The following MYOCD variants were observed in gnomAD, a reference collection of about 807,000 sequenced individuals.
The protein encoded by MYOCD is myocardin.
MYOCD carries 32 observed loss-of-function variants against 96.1 expected under a neutral mutation model. The ratio of observed to expected loss-of-function variants is 0.33; its 90% CI spans 0.25 to 0.45. The LOEUF (loss-of-function observed/expected upper bound fraction) is 0.45. Among genes scored for constraint, MYOCD ranks in the 20% least tolerant of loss-of-function variants. The pLI is 1.00. For synonymous variants in MYOCD, 469 were observed against 469.0 expected, an observed-to-expected ratio of 1.00 and a Z score of 0.00; for missense variants, 1,133 against 1,200.6, an observed-to-expected ratio of 0.94 and a Z score of 0.83.
intron 4 of MYOCD, among the ~76,000 whole-genome samples, chr17:12,717,747 A>G (rs148363507): frequency 1.2e-3 from 177 of 152,342 alleles, no homozygotes; most frequent in Admixed American, 2.5e-3. Context: ...AATCTGGATC[A>G]TCACTCACTT....
chr17:12,683,947 A>G (rs1214250826), intron 1 of MYOCD, among the ~76,000 whole-genome samples: 1 of 152,206 alleles, frequency 6.6e-6, no homozygotes, highest in Non-Finnish European at 1.5e-5. Flanking sequence ...CTTACTGGCA[A>G]ATTCCCAGAT....
At chr17:12,709,621 A>G (rs549047897) in intron 2 of MYOCD, among the ~76,000 whole-genome samples, 2 of 152,332 alleles carry the variant, frequency 1.3e-5, no homozygotes, top group African/African-American at 4.8e-5. Flanking sequence ...GTTTAGATTT[A>G]TCTCCAAAAT....
At chr17:12,689,007 A>T (rs2030304882) in intron 1 of MYOCD, among the ~76,000 whole-genome samples, 1 of 152,202 alleles carries the variant, frequency 6.6e-6, no homozygotes, top group South Asian at 2.1e-4. Flanking sequence ...ACACACACAA[A>T]CACGTTGTTC....
chr17:12,742,297 C>T (rs919820040), intron 7 of MYOCD, among the ~76,000 whole-genome samples: 8 of 152,194 alleles, frequency 5.3e-5, no homozygotes. Flanking sequence ...GAAGAAGTCT[C>T]TTTGGAAAAC....
intron 12 of MYOCD, 138 bp from the exon 13 acceptor site, chr17:12,760,512 T>C (rs549613957): frequency 1.0e-5 from 7 of 672,248 alleles, no homozygotes; most frequent in African/African-American, 1.8e-5. Flanking sequence ...TTTAAAGTTA[T>C]GTGTATTTTG....
Position 12,763,385 on chromosome 17 carries a change from C to T in MYOCD, c.2702C>T (p.Ala901Val), listed in dbSNP as rs763841697. ...SGKAAEDLFN[A>V]HEILPGPLSP... ...AAGGCTGCAGAAGACCTCTTCAATG[C>T]ACATGAGATCTTGCCAGGCCCCCTC... The change falls in exon 14 of 14, where the codon GCA (alanine) becomes GTA (valine). Residue 901 changes from alanine to valine, a missense_variant. Transcript: ENST00000425538. 5 of 1,601,522 alleles carry T rather than the reference C, an allele frequency of 3.1e-6. No individual in the cohort carries two copies. Among genetic ancestry groups the T allele is most frequent in the African/African-American group, 1.3e-5 (1 of 74,672 alleles).
chr17:12,712,359 C>G (rs991853501), intron 2 of MYOCD, among the ~76,000 whole-genome samples: 8 of 152,112 alleles, frequency 5.3e-5, no homozygotes, highest in Non-Finnish European at 1.0e-4. Context: ...GGGTCTGCAC[C>G]AGGCACAGCC....
At chr17:12,731,204 C>T (rs1338278463) in intron 5 of MYOCD, among the ~76,000 whole-genome samples, 1 of 152,206 alleles carries the variant, frequency 6.6e-6, no homozygotes, top group Non-Finnish European at 1.5e-5. Context: ...GGTCACACCA[C>T]GGAGCCAGGA....
rs1334638145 is a variant in MYOCD, at chr17:12,767,566, A to G, written c.*3922A>G. On this transcript the variant is annotated 3_prime_UTR_variant, in exon 14 of 14. Transcript: ENST00000425538. Reference sequence around the variant, plus strand: ...TTGTATTTGCACATGCAAGAACACTAAGAATCTCCCAGTCCTCAAACTAGA... The same window carrying G: ...TTGTATTTGCACATGCAAGAACACTGAGAATCTCCCAGTCCTCAAACTAGA... The G allele has an allele frequency of 6.6e-6, 1 of 152,178 alleles. No individual in the cohort carries two copies. Among genetic ancestry groups the G allele is most frequent in the Non-Finnish European group, 1.5e-5 (1 of 68,034 alleles). 9.4% of individuals were successfully genotyped at this position (152,178 alleles called of 1,614,324 possible).
At chr17:12,756,137 T>A (rs558335266) in intron 10 of MYOCD, among the ~76,000 whole-genome samples, 10 of 152,252 alleles carry the variant, frequency 6.6e-5, no homozygotes, top group Non-Finnish European at 2.9e-5. Flanking sequence ...AACTTAAGCT[T>A]GCAGAAGTAA....
chr17:12,725,060 T>G (rs2031956395), intron 5 of MYOCD, among the ~76,000 whole-genome samples: 1 of 152,038 alleles, frequency 6.6e-6, no homozygotes, highest in South Asian at 2.1e-4. Context: ...TTGCAAAGTT[T>G]GTTGTTTTTA....
chr17:12,718,761 G>A (rs896414498), intron 4 of MYOCD, among the ~76,000 whole-genome samples: 2 of 152,140 alleles, frequency 1.3e-5, no homozygotes, highest in African/African-American at 4.8e-5. Context: ...TCCCTCAAAG[G>A]GAGGTGACAG....
At chr17:12,722,755 A>G in intron 4 of MYOCD, 92 bp from the exon 5 acceptor site, 2 of 1,029,708 alleles carry the variant, frequency 1.9e-6, no homozygotes, top group Non-Finnish European at 2.9e-6. Context: ...ACAATGTGAC[A>G]CAATCGTTTG....
In MYOCD at chr17:12,763,189, G is replaced by A. The variant is rs1555536659; in HGVS notation, c.2506G>A (p.Ala836Thr). ...CAAGCCCTCGGCTTCCTTTGAACAA[G>A]CCTCTTCAGGCAGCCAGATCCCCTT... ...LTKPSASFEQASSGSQIPFDP... is the reference protein window; with the variant it reads ...LTKPSASFEQTSSGSQIPFDP... Residue 836 changes from alanine (A) to threonine (T), a missense_variant, in exon 14 of 14, where the codon GCC becomes ACC. Coordinates refer to ENST00000425538, the MANE Select transcript of MYOCD (RefSeq NM_001146312.3). 6.2e-7 allele frequency: 1 copy of A among 1,614,138 alleles called. No individual in the cohort carries two copies. The highest frequency in any genetic ancestry group is 8.5e-7 in the Non-Finnish European group (1 of 1,180,024).
At chr17:12,738,226 A>G (rs1170629155) in intron 6 of MYOCD, among the ~76,000 whole-genome samples, 1 of 152,194 alleles carries the variant, frequency 6.6e-6, no homozygotes. Context: ...CTGAGGCTCC[A>G]AGAGAAAAGA....
At chr17:12,694,760 A>G (rs1476616497) in intron 1 of MYOCD, among the ~76,000 whole-genome samples, 1 of 152,098 alleles carries the variant, frequency 6.6e-6, no homozygotes, top group African/African-American at 2.4e-5. Context: ...TTCTTAATGT[A>G]ATATCAAAGA....
At chr17:12,696,144 C>T (rs369728325) in intron 1 of MYOCD, among the ~76,000 whole-genome samples, 4 of 149,614 alleles carry the variant, frequency 2.7e-5, no homozygotes, top group African/African-American at 7.4e-5. Flanking sequence ...GCAACCTCCA[C>T]CTCCTATTTT....
intron 1 of MYOCD, among the ~76,000 whole-genome samples, chr17:12,688,532 C>CCTTCCTTCCTTCCATCTT (rs1189144100): frequency 0.017 from 1,649 of 98,980 alleles, 46 homozygotes; most frequent in African/African-American, 0.089. Context: ...CCATCTTCTT[C>CCTTCCTTCCTTCCATCTT]CTTCCTTCCT....
chr17:12,707,218 T>G (rs2031320786), intron 2 of MYOCD, among the ~76,000 whole-genome samples: 1 of 152,218 alleles, frequency 6.6e-6, no homozygotes, highest in Non-Finnish European at 1.5e-5. Context: ...GAAACATGTC[T>G]AAATGCAAAC....
Sources: allele counts gnomAD v4.1 joint callset (sites outside exome capture counted in the v4.1 genomes callset), GRCh38; gene constraint gnomAD v4.1.1; transcripts MANE v1.5; gene names NCBI Gene and HGNC (gene_info 2026-07-23, HGNC 2026-07-21).